AFF1: variants seen among roughly 807,000 people sequenced by gnomAD.
AFF1 encodes the protein AF4/FMR2 family member 1.
Under a neutral mutation model 121.7 loss-of-function variants are expected in AFF1, and 48 were observed. The ratio of observed to expected loss-of-function variants is 0.39; its 90% CI spans 0.31 to 0.50. The LOEUF is 0.50. Among genes scored for constraint, AFF1 ranks in the 20% least tolerant of loss-of-function variants. AFF1 has a pLI of 0.76. For missense variants in AFF1, 1,523 were observed against 1,511.7 expected (o/e 1.01, Z -0.12); for synonymous variants, 613 against 563.0 (o/e 1.09, Z -1.26).
rs1281894987 is a variant in AFF1 at position 87,140,527 on chromosome 4, A to G, written c.*4826A>G. 1 of 175,848 alleles carries G rather than the reference A, an allele frequency of 5.7e-6. No homozygotes were observed. Among genetic ancestry groups the G allele is most frequent in the Non-Finnish European group, 1.2e-5 (1 of 81,914 alleles). The allele number at this position is 175,848 out of a possible 1,614,324, so 10.9% of individuals were successfully genotyped here. ...TTTGCTTTCTTATAACTTTGGAGGA[A>G]AGTCAAATCTTGGTATTATTAAAAT... On this transcript the variant is annotated 3_prime_UTR_variant, in exon 21 of 21. Transcript: ENST00000395146.
intron 12 of AFF1, among the ~76,000 whole-genome samples, chr4:87,124,792 A>C (rs1450432960): frequency 6.6e-6 from 1 of 151,930 alleles, no homozygotes; most frequent in Non-Finnish European, 1.5e-5. Context: ...GCATGGGAGG[A>C]ATTGTTTTTC....
At chr4:86,962,746 T>TA (rs1722242535) in intron 2 of AFF1, among the ~76,000 whole-genome samples, 1 of 152,212 alleles carries the variant, frequency 6.6e-6, no homozygotes, top group Non-Finnish European at 1.5e-5. Flanking sequence ...CTCTGGAACT[T>TA]ACATTATTAA....
At position 87,108,177 on chromosome 4, in the gene AFF1, A is replaced by G. The variant is rs1195322291; in HGVS notation, c.1395A>G (p.Pro465=). The change falls in exon 11 of 21, where the codon CCA becomes CCG. Residue 465 remains proline, a synonymous_variant. Coordinates refer to ENST00000395146, the MANE Select transcript of AFF1 (RefSeq NM_001166693.3). The stretch of plus-strand genomic sequence containing the variant: ...TTTGCAGTGCTCCACAGTCCCTTCC[A>G]GAACCAGTGGCATCAGCACATTCCA... ...SAPPSAPQSL[P]EPVASAHSSS... 1 of 1,613,934 alleles carries G rather than the reference A, an allele frequency of 6.2e-7. No individual in the cohort carries two copies. Among genetic ancestry groups the G allele is most frequent in the Admixed American group, 1.7e-5 (1 of 59,996 alleles).
intron 2 of AFF1, among the ~76,000 whole-genome samples, chr4:86,971,676 AC>A (rs1722957827): frequency 6.6e-6 from 1 of 152,158 alleles, no homozygotes; most frequent in Non-Finnish European, 1.5e-5. Flanking sequence ...AAATAGCAAT[AC>A]TCTATCTTTA....
At chr4:87,105,740 G>A (rs1578259281) in intron 9 of AFF1, 58 bp downstream of exon 9, 1 of 1,613,678 alleles carries the variant, frequency 6.2e-7, no homozygotes, top group East Asian at 2.2e-5. Context: ...TAACAGATCT[G>A]AGCTGCTTGT....
Position 87,125,024 on chromosome 4 carries a change from T to C in AFF1, c.2467-13T>C. The C allele has an allele frequency of 1.3e-6, 2 of 1,570,340 alleles. No individual in the cohort carries two copies. The highest frequency in any genetic ancestry group is 1.7e-6 in the Non-Finnish European group (2 of 1,158,726). Reference sequence around the variant, plus strand: ...GTTGGTAATAATTTGCTTTGCTGATTATACTGTAATAGGGTGAAGCAGAAA... The same window carrying C: ...GTTGGTAATAATTTGCTTTGCTGATCATACTGTAATAGGGTGAAGCAGAAA... On this transcript the variant is annotated splice_polypyrimidine_tract_variant and intron_variant, in intron 12 of 20. Coordinates refer to ENST00000395146, the MANE Select transcript of AFF1 (RefSeq NM_001166693.3).
intron 19 of AFF1, among the ~76,000 whole-genome samples, chr4:87,132,657 G>A (rs544486859): frequency 2.0e-5 from 3 of 152,278 alleles, no homozygotes; most frequent in East Asian, 1.9e-4. Context: ...ATATAGAATT[G>A]AAATTTTTGA....
chr4:87,042,554 C>T (rs565792815), intron 2 of AFF1, among the ~76,000 whole-genome samples: 89 of 152,280 alleles, frequency 5.8e-4, no homozygotes, highest in African/African-American at 2.0e-3. Flanking sequence ...CAGTGATATC[C>T]ATGATGTCTT....
chr4:87,017,101 G>GTTT (rs66466780), intron 2 of AFF1, among the ~76,000 whole-genome samples: 2 of 106,350 alleles, frequency 1.9e-5, no homozygotes, highest in African/African-American at 3.3e-5. Context: ...ATATATATGT[G>GTTT]TTTTTTTTTT....
At chr4:86,986,040 C>CAATTCAATTCAATTT in intron 2 of AFF1, among the ~76,000 whole-genome samples, 1 of 135,614 alleles carries the variant, frequency 7.4e-6, no homozygotes, top group African/African-American at 3.0e-5. Context: ...TAATTCAATT[C>CAATTCAATTCAATTT]AATTTAATTT....
chr4:87,099,783 CA>C (rs1231033669), intron 8 of AFF1, among the ~76,000 whole-genome samples: 1 of 152,130 alleles, frequency 6.6e-6, no homozygotes, highest in African/African-American at 2.4e-5. Flanking sequence ...TATTTTGTAA[CA>C]AACTGTAGGT....
intron 4 of AFF1, among the ~76,000 whole-genome samples, chr4:87,074,276 G>T (rs1479332442): frequency 3.3e-5 from 5 of 152,042 alleles, no homozygotes; most frequent in African/African-American, 1.2e-4. Context: ...AATGGAACCA[G>T]TGTCTAGACT....
intron 2 of AFF1, among the ~76,000 whole-genome samples, chr4:87,042,552 T>C (rs1730265565): frequency 6.6e-6 from 1 of 152,242 alleles, no homozygotes; most frequent in Non-Finnish European, 1.5e-5. Context: ...ACCAGTGATA[T>C]CCATGATGTC....
In AFF1 at chr4:87,140,379, G is replaced by A; in HGVS notation, c.*4678G>A. 5.2e-6 allele frequency: 1 copy of A among 193,012 alleles called. No homozygotes were observed. Among genetic ancestry groups the A allele is most frequent in the Non-Finnish European group, 1.1e-5 (1 of 92,294 alleles). The allele number at this position is 193,012 out of a possible 1,614,324, so 12.0% of individuals were successfully genotyped here. On this transcript the variant is annotated 3_prime_UTR_variant, in exon 21 of 21. Transcript: ENST00000395146. ...TATGTGTGTATGTACGCACGCATGT[G>A]TCCCAAATCTTGTTTTAATTTTTTT...
At chr4:87,128,802 G>A (rs549642542) in intron 16 of AFF1, among the ~76,000 whole-genome samples, 4 of 152,328 alleles carry the variant, frequency 2.6e-5, no homozygotes, top group Admixed American at 2.6e-4. Flanking sequence ...TCCTAAAACT[G>A]CGCTGTACCA....
intron 2 of AFF1, among the ~76,000 whole-genome samples, chr4:86,972,828 GC>G (rs1168554268): frequency 6.6e-6 from 1 of 152,118 alleles, no homozygotes; most frequent in Non-Finnish European, 1.5e-5. Flanking sequence ...GCCTGAGCTA[GC>G]ACACCTGGCC....
chr4:87,081,100 G>T (rs1205292662), intron 4 of AFF1, among the ~76,000 whole-genome samples: 3 of 150,702 alleles, frequency 2.0e-5, no homozygotes, highest in Non-Finnish European at 4.4e-5. Flanking sequence ...TGGGTAAAAG[G>T]TATGTGGGAA....
intron 2 of AFF1, among the ~76,000 whole-genome samples, chr4:87,018,065 C>G (rs148488164): frequency 6.6e-6 from 1 of 152,202 alleles, no homozygotes; most frequent in Admixed American, 6.5e-5. Flanking sequence ...AAATCTGCTG[C>G]TCTGCATATT....
At chr4:87,026,136 T>C (rs1224685284) in intron 2 of AFF1, among the ~76,000 whole-genome samples, 4 of 131,590 alleles carry the variant, frequency 3.0e-5, no homozygotes, top group Admixed American at 9.2e-5. Context: ...ACCCGGGAGG[T>C]GGAGGTTGCA....
Sources: gnomAD v4.1 joint callset for allele counts (sites outside exome capture counted in the v4.1 genomes callset) on GRCh38, gnomAD v4.1.1 for gene constraint, MANE v1.5 for transcripts, NCBI Gene and HGNC (gene_info 2026-07-23, HGNC 2026-07-21) for gene names.